Variants in PRTG observed in about 807,000 individuals in gnomAD.
PRTG encodes the protein protogenin, also known as immunoglobulin superfamily, DCC subclass, member 5.
A neutral mutation model predicts 122.5 loss-of-function variants in PRTG; 67 were observed. The ratio of observed to expected loss-of-function variants is 0.55; its 90% CI spans 0.45 to 0.67. The LOEUF (loss-of-function observed/expected upper bound fraction) is 0.67. Ranked by LOEUF, PRTG falls within the 30% of genes least tolerant of loss-of-function variation. The pLI is 0.00. For missense variants in PRTG, 1,435 were observed against 1,415.4 expected (o/e 1.01, Z -0.22); for synonymous variants, 554 against 501.1 (o/e 1.11, Z -1.41).
intron 15 of PRTG, 118 bp downstream of exon 15, chr15:55,637,052 T>A: frequency 2.2e-6 from 2 of 902,310 alleles, no homozygotes; most frequent in South Asian, 5.5e-5. Flanking sequence ...CCAAAATCTT[T>A]TATTACTTCA....
chr15:55,619,832 T>C lies in PRTG; in HGVS notation c.*180A>G. 1 of 1,013,404 alleles carries C rather than the reference T, an allele frequency of 9.9e-7. No individual in the cohort carries two copies. Among genetic ancestry groups the C allele is most frequent in the Non-Finnish European group, 1.4e-6 (1 of 709,742 alleles). 62.8% of individuals were successfully genotyped at this position (1,013,404 alleles called of 1,614,324 possible). ...CTGTTCATTGTCCTTCGAACAGATT[T>C]AATGGTGAGAATACCTGAGCATGGC... On this transcript the variant is annotated 3_prime_UTR_variant, in exon 20 of 20. Transcript: ENST00000389286.
Position 55,637,229 on chromosome 15 carries a change from A to G in PRTG, c.2564T>C (p.Ile855Thr), listed in dbSNP as rs751364462. The change falls in exon 15 of 20, where the codon ATC becomes ACC. Residue 855 changes from isoleucine (I) to threonine (T), a missense_variant. Physicochemically the swap from Ile to Thr is moderately conservative, Grantham distance 89. Coordinates refer to ENST00000389286, the MANE Select transcript of PRTG (RefSeq NM_173814.6). ...GPETVVTRYT[I>T]LYASRKAWIA... Reference sequence around the variant, plus strand: ...CCAGGCCTTCCTAGATGCATATAAGATAGTATAGCGGGTCACAACTGTTTC... The same window carrying G: ...CCAGGCCTTCCTAGATGCATATAAGGTAGTATAGCGGGTCACAACTGTTTC... 5.6e-6 allele frequency: 9 copies of G among 1,613,750 alleles called. No individual in the cohort carries two copies. In the Admixed American group the frequency reaches 1.3e-4, roughly 24 times the overall value.
chr15:55,738,664 A>C lies in PRTG; in HGVS notation c.397+1718T>G, dbSNP rs541481779. ...CACACTATCTTTAAAACAGTACTAT[A>C]CAGAAAAACCATTACTCCATGAAAA... On this transcript the variant is annotated intron_variant, in intron 2 of 19. Coordinates refer to ENST00000389286, the MANE Select transcript of PRTG (RefSeq NM_173814.6). The C allele has an allele frequency of 3.5e-4, 171 of 482,526 alleles. 2 individuals carry two copies. The South Asian group carries it at 6.8e-3, about 19-fold the overall frequency. 29.9% of individuals were successfully genotyped at this position (482,526 alleles called of 1,614,324 possible). A position where few individuals can be genotyped will look rare whatever the true frequency, so the allele number is the denominator to read the frequency against.
At chr15:55,679,770 T>C (rs141382291) in intron 6 of PRTG, 3 of 432,368 alleles carry the variant, frequency 6.9e-6, no homozygotes, top group African/African-American at 5.9e-5. Flanking sequence ...AATTTTTAAA[T>C]TGGCAAATAG....
intron 15 of PRTG, among the ~76,000 whole-genome samples, chr15:55,633,321 T>C (rs2059238169): frequency 6.6e-6 from 1 of 152,128 alleles, no homozygotes; most frequent in Non-Finnish European, 1.5e-5. Context: ...GCGATTCTCC[T>C]GCCTCAGCCT....
chr15:55,689,376 G>A (rs765668357), intron 2 of PRTG, among the ~76,000 whole-genome samples: 2 of 151,960 alleles, frequency 1.3e-5, no homozygotes, highest in African/African-American at 2.4e-5. Context: ...CCTTGCCATA[G>A]CAAAAGAAAA....
At chr15:55,711,186 T>C (rs2030373042) in intron 2 of PRTG, among the ~76,000 whole-genome samples, 1 of 151,834 alleles carries the variant, frequency 6.6e-6, no homozygotes, top group Non-Finnish European at 1.5e-5. Context: ...CCTCCCAAAC[T>C]GTTGAGATTA....
At chr15:55,710,136 A>G in intron 2 of PRTG, among the ~76,000 whole-genome samples, 1 of 152,194 alleles carries the variant, frequency 6.6e-6, no homozygotes, top group Non-Finnish European at 1.5e-5. Flanking sequence ...TAAGCACTTA[A>G]TATTTTCTCT....
intron 2 of PRTG, among the ~76,000 whole-genome samples, chr15:55,684,942 A>G (rs1050466004): frequency 6.6e-6 from 1 of 152,084 alleles, no homozygotes; most frequent in African/African-American, 2.4e-5. Context: ...TTTTCTAGAG[A>G]TAATTATTCT....
At chr15:55,729,739 C>A (rs192842652) in intron 2 of PRTG, among the ~76,000 whole-genome samples, 57 of 152,120 alleles carry the variant, frequency 3.7e-4, no homozygotes, top group East Asian at 2.9e-3. Context: ...ATGACATGTA[C>A]TTAACCATTT....
intron 16 of PRTG, among the ~76,000 whole-genome samples, chr15:55,627,565 C>A (rs1043458346): frequency 2.1e-5 from 3 of 144,240 alleles, no homozygotes; most frequent in Non-Finnish European, 4.5e-5. Flanking sequence ...TGGTCTCGAT[C>A]TCCTGACCTC....
chr15:55,682,347 AC>A lies in PRTG; in HGVS notation c.676+16del. The A allele has an allele frequency of 6.4e-7, 1 of 1,550,716 alleles. No homozygotes were observed. The highest frequency in any genetic ancestry group is 1.8e-5 in the Admixed American group (1 of 54,702). On this transcript the variant is annotated intron_variant, in intron 4 of 19. Coordinates refer to ENST00000389286, the MANE Select transcript of PRTG (RefSeq NM_173814.6). ...AATAAAACGTCATAAAAATGGAAAAACCACTCTGCGTGGTACCTGGAATCAC... is the reference window on the plus strand; with the variant it reads ...AATAAAACGTCATAAAAATGGAAAAACACTCTGCGTGGTACCTGGAATCAC...
Position 55,637,306 on chromosome 15 carries a change from T to C in PRTG, c.2487A>G (p.Thr829=). Residue 829 remains threonine (T), a synonymous_variant, in exon 15 of 20, where the codon ACA becomes ACG. Transcript: ENST00000389286. ...CCAGGGCAGTGTCATCCTCTATTAA[T>C]GTCACTTTTACTCCAACTGGTGGGC... ...PAGPPVGVKV[T]LIEDDTALVS... The C allele has an allele frequency of 6.2e-7, 1 of 1,613,622 alleles. No homozygotes were observed. The highest frequency in any genetic ancestry group is 1.1e-5 in the South Asian group (1 of 90,934).
chr15:55,662,486 A>G (rs901161964), intron 11 of PRTG, among the ~76,000 whole-genome samples: 1 of 152,256 alleles, frequency 6.6e-6, no homozygotes, highest in African/African-American at 2.4e-5. Context: ...TATTTTTCCC[A>G]TAATATGGCA....
intron 2 of PRTG, among the ~76,000 whole-genome samples, chr15:55,698,651 G>GT (rs1263188547): frequency 5.3e-5 from 8 of 152,134 alleles, no homozygotes; most frequent in African/African-American, 1.9e-4. Flanking sequence ...AGCCACAGGT[G>GT]TATTTATATG....
chr15:55,645,127 C>T (rs1267184261), intron 11 of PRTG, among the ~76,000 whole-genome samples: 5 of 152,214 alleles, frequency 3.3e-5, no homozygotes, highest in South Asian at 4.1e-4. Context: ...AATTTGACTT[C>T]ATGTTTGTAA....
chr15:55,742,878 G>A lies in PRTG; in HGVS notation c.54C>T (p.Leu18=). The part of the protein sequence containing the change: ...LARLRPPGML[L]RALLLLLLLS... ...GCAGCAGCAGGAGCAGGAGCGCGCG[G>A]AGCAGCATCCCCGGCGGTCGCAGCC... Residue 18 remains leucine (L), a synonymous_variant, in exon 1 of 20, where the codon CTC becomes CTT. Coordinates refer to ENST00000389286, the MANE Select transcript of PRTG (RefSeq NM_173814.6). 4.6e-6 allele frequency: 7 copies of A among 1,535,056 alleles called. No individual in the cohort carries two copies. The highest frequency in any genetic ancestry group is 6.1e-6 in the Non-Finnish European group (7 of 1,139,926).
At chr15:55,683,264 A>G (rs924771978) in intron 3 of PRTG, among the ~76,000 whole-genome samples, 57 of 152,116 alleles carry the variant, frequency 3.7e-4, no homozygotes, top group African/African-American at 1.3e-3. Flanking sequence ...ATGTCTGCCA[A>G]CTCAGGAGCA....
At chr15:55,667,475 A>AT (rs1353497031) in intron 11 of PRTG, among the ~76,000 whole-genome samples, 1 of 152,122 alleles carries the variant, frequency 6.6e-6, no homozygotes, top group African/African-American at 2.4e-5. Flanking sequence ...CATATTTGGC[A>AT]TTTTAAGATA....
Sources: allele counts gnomAD v4.1 joint callset (sites outside exome capture counted in the v4.1 genomes callset), GRCh38; gene constraint gnomAD v4.1.1; transcripts MANE v1.5; gene names NCBI Gene and HGNC (gene_info 2026-07-23, HGNC 2026-07-21).